ABTB2: variants seen among roughly 807,000 people sequenced by gnomAD.
ABTB2 encodes the protein ankyrin repeat and BTB/POZ domain-containing protein 2.
In ABTB2, 56 loss-of-function variants were observed where a neutral mutation model predicts 104.1. The ratio of observed to expected loss-of-function variants is 0.54; its 90% CI spans 0.43 to 0.67. ABTB2 has a LOEUF of 0.67. Ranked by LOEUF, ABTB2 falls within the 30% of genes least tolerant of loss-of-function variation. The probability of loss-of-function intolerance (pLI) is 0.00; values close to 1 mark genes in which losing one functional copy is unlikely to be tolerated. For missense variants in ABTB2, 1,279 were observed against 1,407.7 expected (o/e 0.91, Z 1.46); for synonymous variants, 606 against 608.2 (o/e 1.00, Z 0.05).
chr11:34,169,547 G>C (rs1164285026), intron 5 of ABTB2, among the ~76,000 whole-genome samples: 1 of 152,064 alleles, frequency 6.6e-6, no homozygotes, highest in Non-Finnish European at 1.5e-5. Flanking sequence ...CTAAATCCTA[G>C]GTCTATCTGA....
At chr11:34,158,844 G>A (rs966126214) in intron 14 of ABTB2, among the ~76,000 whole-genome samples, 3 of 152,226 alleles carry the variant, frequency 2.0e-5, no homozygotes, top group Admixed American at 6.5e-5. Context: ...GAGAAGTGAC[G>A]CAGCCTCCAC....
At chr11:34,340,125 CCA>C (rs1564936371) in intron 1 of ABTB2, among the ~76,000 whole-genome samples, 2 of 152,132 alleles carry the variant, frequency 1.3e-5, no homozygotes, top group African/African-American at 2.4e-5. Context: ...GAATAAAAGA[CCA>C]CACAGAGTCC....
chr11:34,229,830 A>G (rs895985906), intron 1 of ABTB2, among the ~76,000 whole-genome samples: 8 of 152,236 alleles, frequency 5.3e-5, no homozygotes, highest in African/African-American at 1.4e-4. Flanking sequence ...ATATTTTTAA[A>G]CCTACAGTGT....
At chr11:34,332,695 T>G (rs984779948) in intron 1 of ABTB2, among the ~76,000 whole-genome samples, 2 of 152,082 alleles carry the variant, frequency 1.3e-5, no homozygotes, top group African/African-American at 4.8e-5. Flanking sequence ...TGTCCAGCAA[T>G]GCCTCTGTTG....
intron 1 of ABTB2, among the ~76,000 whole-genome samples, chr11:34,293,976 A>T (rs1192395880): frequency 5.9e-5 from 9 of 152,196 alleles, no homozygotes; most frequent in Non-Finnish European, 1.0e-4. Context: ...ATCTGGGTAA[A>T]TGAAGTATGA....
intron 1 of ABTB2, among the ~76,000 whole-genome samples, chr11:34,315,108 C>T (rs1404662643): frequency 6.6e-6 from 1 of 152,354 alleles, no homozygotes; most frequent in Non-Finnish European, 1.5e-5. Flanking sequence ...CCTGCACTCG[C>T]GCGAGCCTGC....
chr11:34,192,584 T>G (rs554813464), intron 3 of ABTB2, among the ~76,000 whole-genome samples: 4 of 152,270 alleles, frequency 2.6e-5, no homozygotes, highest in African/African-American at 4.8e-5. Flanking sequence ...CTTCTGAGTG[T>G]GCCACCCTCC....
intron 14 of ABTB2, among the ~76,000 whole-genome samples, chr11:34,158,353 C>G (rs529148055): frequency 6.6e-6 from 1 of 152,116 alleles, no homozygotes; most frequent in Admixed American, 6.5e-5. Flanking sequence ...GTGGAGCTTG[C>G]AGTGAGCCGA....
intron 1 of ABTB2, among the ~76,000 whole-genome samples, chr11:34,331,898 T>C (rs1855135126): frequency 6.6e-6 from 1 of 152,240 alleles, no homozygotes; most frequent in Admixed American, 6.5e-5. Flanking sequence ...GCAGAAGTTA[T>C]CCTTGGAAAT....
chr11:34,340,345 G>C (rs1406751016), intron 1 of ABTB2, among the ~76,000 whole-genome samples: 1 of 152,158 alleles, frequency 6.6e-6, no homozygotes, highest in Non-Finnish European at 1.5e-5. Context: ...GCCATGTGCT[G>C]GGCTAAATGC....
At chr11:34,354,493 G>A (rs1444474541) in intron 1 of ABTB2, among the ~76,000 whole-genome samples, 3 of 151,448 alleles carry the variant, frequency 2.0e-5, no homozygotes, top group African/African-American at 7.3e-5. Context: ...TGGAGCTGGG[G>A]GGTGGGGGTG....
At chr11:34,196,217 T>A (rs61880424) in intron 3 of ABTB2, among the ~76,000 whole-genome samples, 2 of 152,086 alleles carry the variant, frequency 1.3e-5, no homozygotes, top group African/African-American at 4.8e-5. Flanking sequence ...ATTTTCCAGG[T>A]AGAAAATTTC....
intron 1 of ABTB2, among the ~76,000 whole-genome samples, chr11:34,307,962 C>T (rs1471116459): frequency 1.3e-5 from 2 of 152,236 alleles, no homozygotes; most frequent in Non-Finnish European, 2.9e-5. Flanking sequence ...TCCCAAAGTG[C>T]TGGGATTACA....
rs374659855 is a variant in ABTB2, at chr11:34,173,268, G to A, written c.1284C>T (p.Arg428=). ...GGTGCTCTGCGTAGGTGATGGCCAC[G>A]CGCATCCACTCCATGAGGGGCGGCA... The part of the protein sequence containing the change: ...MLLPPLMEWM[R]VAITYAEHRR... The change falls in exon 4 of 17, where the codon CGC becomes CGT. Residue 428 remains arginine, a synonymous_variant. Coordinates refer to ENST00000435224, the MANE Select transcript of ABTB2 (RefSeq NM_145804.3). The A allele has an allele frequency of 1.2e-5, 20 of 1,608,694 alleles. No homozygotes were observed. Among genetic ancestry groups the A allele is most frequent in the East Asian group, 2.2e-5 (1 of 44,716 alleles).
rs145560574 is a variant in ABTB2, at chr11:34,237,311, C to T, written c.884-32621G>A. On this transcript the variant is annotated intron_variant, in intron 1 of 16. Transcript: ENST00000435224. ...TTTTTTTTTTTTTTAGACCGAGTCT[C>T]GCTCTATTGCCCAGGCTGGGCAGTG... Among the ~76,000 whole-genome samples, 650 of 137,968 alleles carry T rather than the reference C, an allele frequency of 4.7e-3. 5 individuals are homozygous for T. The highest frequency in any genetic ancestry group is 0.014 in the South Asian group (61 of 4,446). The allele number at this position is 137,968 out of a possible 152,430, so 90.5% of individuals were successfully genotyped here.
chr11:34,207,709 A>C (rs1459789565), intron 1 of ABTB2, among the ~76,000 whole-genome samples: 2 of 152,240 alleles, frequency 1.3e-5, no homozygotes, highest in African/African-American at 2.4e-5. Context: ...TGGCTTGCCT[A>C]AGGTCACTGA....
chr11:34,240,682 TC>T (rs1404086989), intron 1 of ABTB2, among the ~76,000 whole-genome samples: 1 of 151,050 alleles, frequency 6.6e-6, no homozygotes, highest in African/African-American at 2.4e-5. Context: ...AACCTCCACC[TC>T]CCAGGTTCAA....
intron 1 of ABTB2, among the ~76,000 whole-genome samples, chr11:34,350,949 C>T (rs140452555): frequency 1.3e-5 from 2 of 152,200 alleles, no homozygotes; most frequent in African/African-American, 2.4e-5. Flanking sequence ...ACAGGATTCT[C>T]ATGGGGACCT....
At chr11:34,315,819 C>A (rs887207733) in intron 1 of ABTB2, among the ~76,000 whole-genome samples, 4 of 152,198 alleles carry the variant, frequency 2.6e-5, no homozygotes, top group African/African-American at 9.7e-5. Flanking sequence ...TCATGGCAGG[C>A]TCTCAGTGCT....
Sources: gnomAD v4.1 joint callset for allele counts (sites outside exome capture counted in the v4.1 genomes callset) on GRCh38, gnomAD v4.1.1 for gene constraint, MANE v1.5 for transcripts, NCBI Gene and HGNC (gene_info 2026-07-23, HGNC 2026-07-21) for gene names.